Variants in FMOD observed in about 807,000 individuals in gnomAD.
The protein encoded by FMOD is fibromodulin.
FMOD carries 15 observed loss-of-function variants against 27.0 expected under a neutral mutation model. The ratio of observed to expected loss-of-function variants is 0.55; its 90% CI spans 0.37 to 0.85. The LOEUF (loss-of-function observed/expected upper bound fraction) is 0.85. Among genes scored for constraint, FMOD ranks in the 40% least tolerant of loss-of-function variants. The pLI is 0.00. For synonymous variants in FMOD, 210 were observed against 214.0 expected, an observed-to-expected ratio of 0.98 and a Z score of 0.16; for missense variants, 460 against 483.2, an observed-to-expected ratio of 0.95 and a Z score of 0.45.
At chr1:203,348,829 G>A (rs1385260922) in intron 1 of FMOD, among the ~76,000 whole-genome samples, 2 of 152,224 alleles carry the variant, frequency 1.3e-5, no homozygotes, top group Non-Finnish European at 1.5e-5. Context: ...AAATCTTTTG[G>A]TCTCTTGGGC....
chr1:203,351,062 C>T lies in FMOD; in HGVS notation c.-37G>A, dbSNP rs1184483488. 2.6e-5 allele frequency: 4 copies of T among 152,258 alleles called. No homozygotes were observed. Among genetic ancestry groups the T allele is most frequent in the African/African-American group, 4.8e-5 (2 of 41,440 alleles). 9.4% of individuals were successfully genotyped at this position (152,258 alleles called of 1,614,324 possible). On this transcript the variant is annotated 5_prime_UTR_variant, in exon 1 of 3. It adds an upstream start codon to the 5' untranslated region. Coordinates refer to ENST00000354955, the MANE Select transcript of FMOD (RefSeq NM_002023.5). ...AGTTGAACTTTTCAGAGAGTGACCA[C>T]GTCCCTCTGTCTGGCCTCCTTGGGT...
chr1:203,348,850 T>G (rs1475584632), intron 1 of FMOD, among the ~76,000 whole-genome samples: 1 of 151,790 alleles, frequency 6.6e-6, no homozygotes, highest in Non-Finnish European at 1.5e-5. Context: ...AGGCTGGGAG[T>G]TTTTGGTCTT....
In FMOD at chr1:203,342,308, G is replaced by A. The variant is rs1658808398; in HGVS notation, c.*35C>T. 1 of 1,590,140 alleles carries A rather than the reference G, an allele frequency of 6.3e-7. No individual in the cohort carries two copies. The highest frequency in any genetic ancestry group is 8.6e-7 in the Non-Finnish European group (1 of 1,164,138). ...CCAAACCATCAAGCCAAATGCCACGGGGGCTCTCCGCCCAGTACCCGGTGC... is the reference window on the plus strand; with the variant it reads ...CCAAACCATCAAGCCAAATGCCACGAGGGCTCTCCGCCCAGTACCCGGTGC... On this transcript the variant is annotated 3_prime_UTR_variant, in exon 3 of 3. Coordinates refer to ENST00000354955, the MANE Select transcript of FMOD (RefSeq NM_002023.5).
At position 203,347,906 on chromosome 1, in the gene FMOD, T is replaced by C. The variant is rs1295681347; in HGVS notation, c.365A>G (p.Glu122Gly). ...CCCTGTGGCATTGTCAAAGACGCCT[T>C]CCTGGATGGAGGTGATCTGGTTGTT... ...FQNNQITSIQEGVFDNATGLL... is the reference protein window; with the variant it reads ...FQNNQITSIQGGVFDNATGLL... The change falls in exon 2 of 3, where the codon GAA becomes GGA. Residue 122 changes from glutamate to glycine, a missense_variant. Physicochemically the swap from Glu to Gly is moderately conservative, Grantham distance 98. Coordinates refer to ENST00000354955, the MANE Select transcript of FMOD (RefSeq NM_002023.5). 2 of 1,613,562 alleles carry C rather than the reference T, an allele frequency of 1.2e-6. No homozygotes were observed. Among genetic ancestry groups the C allele is most frequent in the Non-Finnish European group, 1.7e-6 (2 of 1,179,520 alleles).
At chr1:203,346,380 A>G (rs142874129) in intron 2 of FMOD, among the ~76,000 whole-genome samples, 1 of 151,970 alleles carries the variant, frequency 6.6e-6, no homozygotes, top group African/African-American at 2.4e-5. Context: ...AAGACATCAG[A>G]AGCCCTGGGG....
At position 203,342,112 on chromosome 1, in the gene FMOD, C is replaced by G; in HGVS notation, c.*231G>C. ...TTGGAACATCCAGGGATCCTTCCAT[C>G]TACCACCACTTCTGTCCCTGGAAAA... is the stretch of plus-strand genomic sequence containing the variant. On this transcript the variant is annotated 3_prime_UTR_variant, in exon 3 of 3. Coordinates refer to ENST00000354955, the MANE Select transcript of FMOD (RefSeq NM_002023.5). The G allele has an allele frequency of 2.0e-6, 1 of 492,670 alleles. No individual in the cohort carries two copies. Among genetic ancestry groups the G allele is most frequent in the Non-Finnish European group, 3.6e-6 (1 of 278,510 alleles). The allele number at this position is 492,670 out of a possible 1,614,324, so 30.5% of individuals were successfully genotyped here. A position where few individuals can be genotyped will look rare whatever the true frequency, so the allele number is the denominator to read the frequency against.
chr1:203,346,844 C>T (rs547672037), intron 2 of FMOD, among the ~76,000 whole-genome samples: 49 of 152,304 alleles, frequency 3.2e-4, no homozygotes, highest in African/African-American at 1.2e-3. Context: ...AGTATTCCCT[C>T]CTAAACTTCT....
rs77108653 is a variant in FMOD, at chr1:203,344,002, G to T, written c.980-1508C>A. Among the ~76,000 whole-genome samples the T allele has an allele frequency of 2.4e-3, 370 of 152,264 alleles. 1 individual carries two copies. Among genetic ancestry groups the T allele is most frequent in the African/African-American group, 8.6e-3 (356 of 41,540 alleles). On this transcript the variant is annotated intron_variant, in intron 2 of 2. Coordinates refer to ENST00000354955, the MANE Select transcript of FMOD (RefSeq NM_002023.5). ...CACTGAGAAAAGTAGCGGAAACTGG[G>T]AAATACTCGTCTTTGGAAAACACTC...
chr1:203,343,304 G>A (rs1658828933), intron 2 of FMOD, among the ~76,000 whole-genome samples: 1 of 152,146 alleles, frequency 6.6e-6, no homozygotes, highest in Admixed American at 6.5e-5. Flanking sequence ...AAATCTTTCT[G>A]TTGCTATTAA....
chr1:203,343,908 G>A (rs2102301755), intron 2 of FMOD, among the ~76,000 whole-genome samples: 1 of 152,342 alleles, frequency 6.6e-6, no homozygotes, highest in East Asian at 1.9e-4. Flanking sequence ...ATAAGATGAG[G>A]TGAGGTTGCA....
In FMOD at chr1:203,347,620, A is replaced by G; in HGVS notation, c.651T>C (p.Ser217=). ...TCAGTGACCGGAGGCCCCTCATGGA[A>G]CTGCCCACTTCCTGGATCTCATTGT... The part of the protein sequence containing the change: ...LQHNEIQEVG[S]SMRGLRSLIL... The change falls in exon 2 of 3, where the codon AGT becomes AGC. Residue 217 remains serine (S), a synonymous_variant. Transcript: ENST00000354955. The G allele has an allele frequency of 1.2e-6, 2 of 1,614,180 alleles. No individual in the cohort carries two copies. The highest frequency in any genetic ancestry group is 2.2e-5 in the South Asian group (2 of 91,068).
chr1:203,346,614 AG>A (rs1658892617), intron 2 of FMOD, among the ~76,000 whole-genome samples: 1 of 151,796 alleles, frequency 6.6e-6, no homozygotes, highest in South Asian at 2.1e-4. Flanking sequence ...CCCTGCCACC[AG>A]GGGGTCCTTG....
At chr1:203,342,996 G>T (rs1658823662) in intron 2 of FMOD, among the ~76,000 whole-genome samples, 1 of 152,166 alleles carries the variant, frequency 6.6e-6, no homozygotes, top group Admixed American at 6.5e-5. Context: ...AAGAGAGAAA[G>T]CCTGGGCCGA....
chr1:203,350,210 G>T (rs958152102), intron 1 of FMOD, among the ~76,000 whole-genome samples: 2 of 152,140 alleles, frequency 1.3e-5, no homozygotes, highest in East Asian at 1.9e-4. Context: ...TAGAGCCATG[G>T]GTGCTGAAAG....
intron 2 of FMOD, among the ~76,000 whole-genome samples, chr1:203,342,777 C>T (rs1360253652): frequency 8.5e-6 from 1 of 117,028 alleles, no homozygotes; most frequent in Non-Finnish European, 2.1e-5. Context: ...CCCTCTGGGA[C>T]ATTTTTTTTT....
chr1:203,342,451 G>T lies in FMOD; in HGVS notation c.1023C>A (p.Asn341Lys). The change falls in exon 3 of 3, where the codon AAC becomes AAA. Residue 341 changes from asparagine (N) to lysine (K), a missense_variant. Physicochemically the swap from Asn to Lys is moderately conservative, Grantham distance 94. Transcript: ENST00000354955. ...SSFCTVVDVV[N>K]FSKLQVLRLD... ...GGCGCAGCACCTGCAGCTTGGAGAA[G>T]TTCACGACGTCCACCACGGTGCAGA... 6.2e-7 allele frequency: 1 copy of T among 1,614,192 alleles called. No individual in the cohort carries two copies. Among genetic ancestry groups the T allele is most frequent in the Non-Finnish European group, 8.5e-7 (1 of 1,180,012 alleles).
At position 203,342,402 on chromosome 1, in the gene FMOD, T is replaced by A; in HGVS notation, c.1072A>T (p.Ser358Cys). The A allele has an allele frequency of 3.7e-6, 6 of 1,614,076 alleles. No individual in the cohort carries two copies. Among genetic ancestry groups the A allele is most frequent in the Non-Finnish European group, 5.1e-6 (6 of 1,179,994 alleles). The change falls in exon 3 of 3, where the codon AGC becomes TGC. Residue 358 changes from serine to cysteine, a missense_variant. Transcript: ENST00000354955. ...LRLDGNEIKR[S>C]AMPADAPLCL... ...AGGGGCGCGTCGGCAGGCATGGCGCTGCGCTTGATCTCGTTCCCGTCCAGG... is the reference window on the plus strand; with the variant it reads ...AGGGGCGCGTCGGCAGGCATGGCGCAGCGCTTGATCTCGTTCCCGTCCAGG...
Position 203,342,278 on chromosome 1 carries a change from C to T in FMOD, c.*65G>A. The T allele has an allele frequency of 5.1e-6, 8 of 1,559,708 alleles. No individual in the cohort carries two copies. Among genetic ancestry groups the T allele is most frequent in the Non-Finnish European group, 6.1e-6 (7 of 1,149,072 alleles). On this transcript the variant is annotated 3_prime_UTR_variant, in exon 3 of 3. Coordinates refer to ENST00000354955, the MANE Select transcript of FMOD (RefSeq NM_002023.5). ...TCCATCCTGGACCTTCCAGCAAAAGCCAAACCAAACCATCAAGCCAAATGC... is the reference window on the plus strand; with the variant it reads ...TCCATCCTGGACCTTCCAGCAAAAGTCAAACCAAACCATCAAGCCAAATGC...
At chr1:203,350,488 C>T (rs1221066500) in intron 1 of FMOD, among the ~76,000 whole-genome samples, 4 of 152,170 alleles carry the variant, frequency 2.6e-5, no homozygotes, top group Non-Finnish European at 5.9e-5. Context: ...GCCATCCCCT[C>T]ACCTGGATTG....
Sources: allele counts gnomAD v4.1 joint callset (sites outside exome capture counted in the v4.1 genomes callset), GRCh38; gene constraint gnomAD v4.1.1; transcripts MANE v1.5; gene names NCBI Gene and HGNC (gene_info 2026-07-23, HGNC 2026-07-21).